SLC12A1: variants seen among roughly 807,000 people sequenced by gnomAD.
SLC12A1 encodes Na-K-2Cl cotransporter.
SLC12A1 carries 89 observed loss-of-function variants against 130.4 expected under a neutral mutation model. That is an observed-to-expected ratio of 0.68 (90% CI 0.58 to 0.81). The LOEUF (loss-of-function observed/expected upper bound fraction) is 0.81. SLC12A1 is among the 40% of genes least tolerant of loss of function. The probability of loss-of-function intolerance (pLI) is 0.00; values close to 1 mark genes in which losing one functional copy is unlikely to be tolerated. For missense variants in SLC12A1, 1,310 were observed against 1,336.4 expected (o/e 0.98, Z 0.31); for synonymous variants, 499 against 460.0 (o/e 1.08, Z -1.09).
rs907127476 is a variant in SLC12A1, at chr15:48,249,509, A to G, written c.1685-66A>G. The stretch of plus-strand genomic sequence containing the variant: ...CCAAATAAATTCAAGCTTCGAGGCT[A>G]TAACAGCTGTTCAGCCCCTGGTCTC... On this transcript the variant is annotated intron_variant, in intron 13 of 26. Transcript: ENST00000380993. The G allele has an allele frequency of 2.2e-4, 255 of 1,163,654 alleles. 1 individual carries two copies. The highest frequency in any genetic ancestry group is 1.4e-4 in the Non-Finnish European group (110 of 769,492). 72.1% of individuals were successfully genotyped at this position (1,163,654 alleles called of 1,614,324 possible).
Position 48,207,790 on chromosome 15 carries a change from G to T in SLC12A1, c.71G>T (p.Ser24Ile). The change falls in exon 2 of 27, where the codon AGT becomes ATT. Residue 24 changes from serine to isoleucine, a missense_variant. Ser to Ile is a moderately radical substitution (Grantham distance 142). Coordinates refer to ENST00000380993, the MANE Select transcript of SLC12A1 (RefSeq NM_000338.3). ...VPSNTNRFQVSVINENHESSA... is the reference protein window; with the variant it reads ...VPSNTNRFQVIVINENHESSA... The stretch of plus-strand genomic sequence containing the variant: ...AGTAATACCAATCGCTTTCAAGTTA[G>T]TGTCATAAATGAGAACCATGAGAGC... 2 of 1,613,482 alleles carry T rather than the reference G, an allele frequency of 1.2e-6. No homozygotes were observed. Among genetic ancestry groups the T allele is most frequent in the Non-Finnish European group, 1.7e-6 (2 of 1,179,692 alleles).
At chr15:48,252,643 A>T (rs918674907) in intron 15 of SLC12A1, among the ~76,000 whole-genome samples, 2 of 152,194 alleles carry the variant, frequency 1.3e-5, no homozygotes, top group Non-Finnish European at 2.9e-5. Flanking sequence ...CACAGAGTCA[A>T]ACACTCAGTG....
At chr15:48,251,499 C>T in intron 14 of SLC12A1, 116 bp from the exon 15 acceptor site, 1 of 804,206 alleles carries the variant, frequency 1.2e-6, no homozygotes, top group South Asian at 1.6e-5. Flanking sequence ...TGGAACTTGG[C>T]CTAAAAGTTC....
intron 17 of SLC12A1, among the ~76,000 whole-genome samples, chr15:48,265,265 C>G (rs1055313937): frequency 6.6e-6 from 1 of 152,172 alleles, no homozygotes; most frequent in Non-Finnish European, 1.5e-5. Flanking sequence ...AAGTAAATCT[C>G]TCTGTCACAA....
chr15:48,256,957 C>A (rs1350126558), intron 16 of SLC12A1, among the ~76,000 whole-genome samples: 1 of 151,950 alleles, frequency 6.6e-6, no homozygotes, highest in African/African-American at 2.4e-5. Context: ...CAAGGCATGT[C>A]CCTTCTGCCT....
At chr15:48,289,753 T>C (rs1390303388) in intron 23 of SLC12A1, among the ~76,000 whole-genome samples, 1 of 151,990 alleles carries the variant, frequency 6.6e-6, no homozygotes, top group Non-Finnish European at 1.5e-5. Context: ...AGGTAAAAAA[T>C]GGTCCACTTG....
chr15:48,255,266 C>A (rs1177125283), intron 15 of SLC12A1, among the ~76,000 whole-genome samples: 1 of 151,874 alleles, frequency 6.6e-6, no homozygotes, highest in Non-Finnish European at 1.5e-5. Flanking sequence ...GGTGAAACCC[C>A]GTCTCTACTA....
At chr15:48,289,431 T>TATA (rs60463295) in intron 23 of SLC12A1, among the ~76,000 whole-genome samples, 2,800 of 122,014 alleles carry the variant, frequency 0.023, 187 homozygotes, top group East Asian at 0.082. Context: ...ATATATATAA[T>TATA]GTATAACTAT....
chr15:48,236,870 C>T, intron 9 of SLC12A1: 1 of 488,662 alleles, frequency 2.0e-6, no homozygotes, highest in Non-Finnish European at 3.6e-6. Context: ...ATTATAAGCA[C>T]ACCTTTAAAT....
chr15:48,269,150 A>C (rs2041865328), intron 18 of SLC12A1, among the ~76,000 whole-genome samples: 1 of 152,222 alleles, frequency 6.6e-6, no homozygotes, highest in Non-Finnish European at 1.5e-5. Context: ...GATGGCTATT[A>C]ATGATACTGT....
intron 7 of SLC12A1, 80 bp from the exon 8 acceptor site, chr15:48,232,647 T>G: frequency 1.1e-6 from 1 of 878,634 alleles, no homozygotes; most frequent in Non-Finnish European, 1.9e-6. Context: ...CTTTCTGCAG[T>G]GGACACTTCT....
chr15:48,269,594 T>A, intron 18 of SLC12A1, 64 bp from the exon 19 acceptor site: 1 of 821,810 alleles, frequency 1.2e-6, no homozygotes, highest in East Asian at 2.6e-5. Context: ...ACATTATTTT[T>A]CATTTGTGAT....
At chr15:48,211,932 A>AAT (rs2041056606) in intron 2 of SLC12A1, among the ~76,000 whole-genome samples, 1 of 152,210 alleles carries the variant, frequency 6.6e-6, no homozygotes, top group African/African-American at 2.4e-5. Flanking sequence ...TAAAGAGCTA[A>AAT]ATACCTATAC....
chr15:48,231,847 C>A (rs1236694219), intron 7 of SLC12A1, among the ~76,000 whole-genome samples: 1 of 152,020 alleles, frequency 6.6e-6, no homozygotes, highest in African/African-American at 2.4e-5. Context: ...CAAACCCTGT[C>A]TCTATTAAAA....
intron 7 of SLC12A1, among the ~76,000 whole-genome samples, chr15:48,230,918 A>C (rs1485237583): frequency 1.3e-5 from 2 of 152,262 alleles, no homozygotes; most frequent in Admixed American, 6.5e-5. Flanking sequence ...CTCATCTGAA[A>C]GCCAGTACTT....
intron 24 of SLC12A1, among the ~76,000 whole-genome samples, chr15:48,292,874 G>A (rs377224631): frequency 1.8e-4 from 28 of 152,220 alleles, no homozygotes; most frequent in Middle Eastern, 3.4e-3. Flanking sequence ...TTTGGGTGGG[G>A]GGACACAAGC....
At chr15:48,245,578 C>T (rs904138432) in intron 11 of SLC12A1, among the ~76,000 whole-genome samples, 3 of 152,166 alleles carry the variant, frequency 2.0e-5, no homozygotes, top group Non-Finnish European at 2.9e-5. Context: ...GCTGCATCCA[C>T]GTTGCTGCAA....
intron 17 of SLC12A1, among the ~76,000 whole-genome samples, chr15:48,261,951 A>G (rs1012957405): frequency 1.6e-4 from 25 of 152,366 alleles, no homozygotes; most frequent in African/African-American, 5.8e-4. Context: ...TGCTATTTGA[A>G]TTATAGAAGA....
chr15:48,230,414 G>C lies in SLC12A1; in HGVS notation c.886G>C (p.Asp296His). 1 of 1,611,810 alleles carries C rather than the reference G, an allele frequency of 6.2e-7. No individual in the cohort carries two copies. Among genetic ancestry groups the C allele is most frequent in the Non-Finnish European group, 8.5e-7 (1 of 1,178,836 alleles). ...LLKESDSMMVDPTNDIRIIGS... is the reference protein window; with the variant it reads ...LLKESDSMMVHPTNDIRIIGS... ...CCAGGAGAGTGATTCGATGATGGTG[G>C]ATCCAACCAATGACATCCGGATTAT... The change falls in exon 7 of 27, where the codon GAT becomes CAT. Residue 296 changes from aspartate to histidine, a missense_variant. Coordinates refer to ENST00000380993, the MANE Select transcript of SLC12A1 (RefSeq NM_000338.3).
Sources: allele counts gnomAD v4.1 joint callset (sites outside exome capture counted in the v4.1 genomes callset), GRCh38; gene constraint gnomAD v4.1.1; transcripts MANE v1.5; gene names NCBI Gene and HGNC (gene_info 2026-07-23, HGNC 2026-07-21).